The following VCL variants were observed in gnomAD, a reference collection of about 807,000 sequenced individuals.
VCL encodes the protein vinculin.
VCL carries 47 observed loss-of-function variants against 125.7 expected under a neutral mutation model. That is an observed-to-expected ratio of 0.37 (90% confidence interval 0.30 to 0.48). VCL has a LOEUF of 0.48. Ranked by LOEUF, VCL falls within the 20% of genes least tolerant of loss-of-function variation. The probability of loss-of-function intolerance (pLI) is 0.99; values close to 1 mark genes in which losing one functional copy is unlikely to be tolerated. For missense variants in VCL, 1,069 were observed against 1,455.5 expected, an observed-to-expected ratio of 0.73 and a Z score of 4.32; for synonymous variants, 458 against 514.6, an observed-to-expected ratio of 0.89 and a Z score of 1.49.
intron 1 of VCL, among the ~76,000 whole-genome samples, chr10:74,015,409 C>T (rs550326750): frequency 1.3e-5 from 2 of 152,226 alleles, no homozygotes; most frequent in East Asian, 3.9e-4. Flanking sequence ...GAAAAATTAG[C>T]CGGGCGTGGT....
At chr10:74,043,974 G>A (rs1001257104) in intron 2 of VCL, among the ~76,000 whole-genome samples, 10 of 151,954 alleles carry the variant, frequency 6.6e-5, no homozygotes, top group Admixed American at 5.9e-4. Context: ...AGCCAGGCGT[G>A]GTGGCGGGTG....
In VCL at chr10:74,071,836, A is replaced by T. The variant is rs1841667865; in HGVS notation, c.499+753A>T. Among the ~76,000 whole-genome samples, 1 of 152,226 alleles carries T rather than the reference A, an allele frequency of 6.6e-6. No individual in the cohort carries two copies. The highest frequency in any genetic ancestry group is 1.5e-5 in the Non-Finnish European group (1 of 68,036). ...CTGTAAAACTTAATGGCAGTTAAGA[A>T]TTTGAGCCATCACTGAAGATCACCT... is the stretch of plus-strand genomic sequence containing the variant. On this transcript the variant is annotated intron_variant, in intron 4 of 21. Transcript: ENST00000211998. This position sits in a 1 kb window ranked among gnomAD's most constrained non-coding sequence, Gnocchi z 4.1.
intron 1 of VCL, among the ~76,000 whole-genome samples, chr10:74,025,952 A>G (rs1319010186): frequency 6.6e-6 from 1 of 152,170 alleles, no homozygotes. Context: ...CAGTTCCATG[A>G]TGAAATGCAC....
chr10:74,080,281 TAGA>T (rs1469312277), intron 6 of VCL, among the ~76,000 whole-genome samples: 2 of 152,112 alleles, frequency 1.3e-5, no homozygotes, highest in African/African-American at 4.8e-5. Flanking sequence ...TGGAGATTAG[TAGA>T]ATCTTTAGCA....
At chr10:74,036,957 C>T (rs1453865848) in intron 1 of VCL, among the ~76,000 whole-genome samples, 1 of 151,076 alleles carries the variant, frequency 6.6e-6, no homozygotes, top group African/African-American at 2.4e-5. Flanking sequence ...GTCACCCAGG[C>T]TGGAGTGCAG....
At chr10:74,091,749 G>A (rs1482310916) in intron 10 of VCL, among the ~76,000 whole-genome samples, 30 of 127,334 alleles carry the variant, frequency 2.4e-4, no homozygotes, top group African/African-American at 8.0e-4. Context: ...AGATTGTGCC[G>A]CTGCACTCCA....
At chr10:74,038,490 T>C (rs1841029977) in intron 1 of VCL, among the ~76,000 whole-genome samples, 1 of 152,224 alleles carries the variant, frequency 6.6e-6, no homozygotes, top group Admixed American at 6.5e-5. Flanking sequence ...TTAAAAACAG[T>C]GCCGTTCGTT....
chr10:74,041,223 T>C (rs1460247409), intron 1 of VCL, among the ~76,000 whole-genome samples: 1 of 152,180 alleles, frequency 6.6e-6, no homozygotes, highest in African/African-American at 2.4e-5. Flanking sequence ...AGGACTGACA[T>C]ATTTTCCATT....
At chr10:74,081,204 G>C (rs1839669267) in intron 6 of VCL, among the ~76,000 whole-genome samples, 1 of 152,164 alleles carries the variant, frequency 6.6e-6, no homozygotes, top group Non-Finnish European at 1.5e-5. Context: ...GATAGCCAAG[G>C]ATTCAACAGG....
At chr10:74,095,359 G>A (rs1839950999) in intron 11 of VCL, among the ~76,000 whole-genome samples, 1 of 152,172 alleles carries the variant, frequency 6.6e-6, no homozygotes, top group African/African-American at 2.4e-5. Flanking sequence ...GGGAGGCCGA[G>A]GTGGGTGGAT....
intron 6 of VCL, among the ~76,000 whole-genome samples, 182 bp from the exon 7 acceptor site, chr10:74,082,272 T>C (rs562924877): frequency 1.3e-5 from 2 of 152,372 alleles, no homozygotes; most frequent in African/African-American, 4.8e-5. Context: ...AATATTTGCA[T>C]GCAAGATGCT....
chr10:74,051,325 C>T (rs747511247), intron 2 of VCL, among the ~76,000 whole-genome samples: 3 of 151,128 alleles, frequency 2.0e-5, no homozygotes, highest in Non-Finnish European at 4.4e-5. Context: ...CAACCGCTGC[C>T]TCCTGGGTTC....
In VCL at chr10:74,105,245, G is replaced by A. The variant is rs1212206964; in HGVS notation, c.2326G>A (p.Asp776Asn). 6.2e-7 allele frequency: 1 copy of A among 1,614,128 alleles called. No individual in the cohort carries two copies. Among genetic ancestry groups the A allele is most frequent in the Non-Finnish European group, 8.5e-7 (1 of 1,180,026 alleles). ...TAAGAGGGAGGTGGAGAATTCCGAG[G>A]ATCCCAAGTTCCGTGAGGCTGTGAA... ...VAKREVENSE[D>N]PKFREAVKAA... Residue 776 changes from aspartate to asparagine, a missense_variant, in exon 16 of 22, where the codon GAT becomes AAT. Around this residue, in one of 6 missense-constraint regions of VCL, gnomAD observed 760 missense variants for 928.9 expected, o/e 0.82. Transcript: ENST00000211998.
chr10:74,104,169 A>T (rs1333129669), intron 15 of VCL, among the ~76,000 whole-genome samples: 1 of 152,084 alleles, frequency 6.6e-6, no homozygotes, highest in Non-Finnish European at 1.5e-5. Context: ...TCCTGGCGTG[A>T]TGTTTATTGT....
At chr10:74,087,315 A>AT (rs1416196892) in intron 8 of VCL, among the ~76,000 whole-genome samples, 7 of 137,592 alleles carry the variant, frequency 5.1e-5, no homozygotes, top group African/African-American at 1.9e-4. Context: ...TTATTTATTT[A>AT]TTTATTTTTT....
chr10:74,090,718 C>T (rs892832317), intron 10 of VCL, among the ~76,000 whole-genome samples: 7 of 152,070 alleles, frequency 4.6e-5, no homozygotes, highest in African/African-American at 1.7e-4. Context: ...CAACAGCCTC[C>T]CCACAGCCTC....
chr10:74,022,608 A>G (rs549183664), intron 1 of VCL, among the ~76,000 whole-genome samples: 36 of 19,836 alleles, frequency 1.8e-3, no homozygotes, highest in Non-Finnish European at 3.2e-3. Context: ...AAATAAATAA[A>G]TAAGTAAATA....
chr10:74,050,932 A>ATTTTTTT (rs10607921), intron 2 of VCL, among the ~76,000 whole-genome samples: 3 of 77,440 alleles, frequency 3.9e-5, no homozygotes, highest in African/African-American at 1.0e-4. Flanking sequence ...GTACTACTGT[A>ATTTTTTT]TTTTTTTTTT....
intron 8 of VCL, among the ~76,000 whole-genome samples, chr10:74,086,423 C>A (rs1839773654): frequency 6.6e-6 from 1 of 152,204 alleles, no homozygotes; most frequent in African/African-American, 2.4e-5. Flanking sequence ...AATCTTTTCT[C>A]CTGCTGAGAA....
Sources: gnomAD v4.1 joint callset for allele counts (sites outside exome capture counted in the v4.1 genomes callset) on GRCh38, gnomAD v4.1.1 for gene constraint, gnomAD v4.1.1 regional missense constraint, Gnocchi (gnomAD v3.1) non-coding constraint, MANE v1.5 for transcripts, NCBI Gene and HGNC (gene_info 2026-07-23, HGNC 2026-07-21) for gene names.